Variants in PIGN observed in about 807,000 individuals in gnomAD.
PIGN encodes the protein GPI ethanolamine phosphate transferase 1.
In PIGN, 117 loss-of-function variants were observed where a neutral mutation model predicts 125.4. The observed-to-expected ratio is 0.93, with a 90% CI of 0.80 to 1.09. The LOEUF (loss-of-function observed/expected upper bound fraction) is 1.09, where lower values mean the gene tolerates loss of function less well. PIGN is among the 50% of genes least tolerant of loss of function. The pLI is 0.00. For missense variants in PIGN, 1,075 were observed against 1,094.9 expected (o/e 0.98, Z 0.26); for synonymous variants, 392 against 377.8 (o/e 1.04, Z -0.44).
intron 28 of PIGN, among the ~76,000 whole-genome samples, chr18:62,079,194 T>C (rs1260472868): frequency 7.9e-5 from 12 of 152,254 alleles, no homozygotes; most frequent in African/African-American, 2.7e-4. Flanking sequence ...AAGACCATAT[T>C]AAGGTTTTTG....
At position 62,032,310 on chromosome 18, in the gene PIGN, A is replaced by G. The variant is rs149084192; in HGVS notation, c.2143-14569T>C. 2.5e-3 allele frequency among the ~76,000 whole-genome samples: 379 copies of G among 152,358 alleles called. 2 individuals carry two copies. The highest frequency in any genetic ancestry group is 8.5e-3 in the African/African-American group (354 of 41,584). On this transcript the variant is annotated intron_variant, in intron 23 of 24. Coordinates refer to the PIGN transcript ENST00000639600. ...GCAAACTTCAATTGCTTAAAAATAG[A>G]CAACCAATATTTACTTCCATCCTTT...
chr18:62,185,773 T>G (rs17069528), intron 1 of PIGN, among the ~76,000 whole-genome samples: 23,985 of 126,176 alleles, frequency 0.19, 2,139 homozygotes, highest in Admixed American at 0.25. Flanking sequence ...TGGAAATTCC[T>G]TTACCTTTTC....
chr18:62,030,072 T>C (rs1206231598), intron 23 of PIGN, among the ~76,000 whole-genome samples: 2 of 152,204 alleles, frequency 1.3e-5, no homozygotes, highest in Non-Finnish European at 2.9e-5. Flanking sequence ...TCCGAGGCCC[T>C]GGAAGCATTT....
chr18:62,119,926 A>C (rs1056956553), intron 14 of PIGN, among the ~76,000 whole-genome samples: 4 of 152,126 alleles, frequency 2.6e-5, no homozygotes, highest in Admixed American at 6.5e-5. Context: ...AAAAGACAGA[A>C]AAATACTAAA....
At chr18:62,171,461 ATC>A (rs749975455) in intron 1 of PIGN, among the ~76,000 whole-genome samples, 6 of 152,280 alleles carry the variant, frequency 3.9e-5, no homozygotes, top group Admixed American at 6.5e-5. Context: ...TTTTATTTAC[ATC>A]TTATGCTTTT....
intron 30 of PIGN, among the ~76,000 whole-genome samples, chr18:62,068,868 G>A (rs1330669632): frequency 6.6e-6 from 1 of 152,174 alleles, no homozygotes; most frequent in Admixed American, 6.6e-5. Flanking sequence ...CACTTGCAGT[G>A]TTCAGACAGC....
At chr18:62,135,447 C>T (rs1599602134) in intron 14 of PIGN, among the ~76,000 whole-genome samples, 1 of 151,988 alleles carries the variant, frequency 6.6e-6, no homozygotes, top group Non-Finnish European at 1.5e-5. Flanking sequence ...CCCCAGAGGA[C>T]ACAGTGGCTT....
chr18:62,082,442 C>T (rs2033490459), intron 28 of PIGN, among the ~76,000 whole-genome samples: 1 of 151,980 alleles, frequency 6.6e-6, no homozygotes, highest in African/African-American at 2.4e-5. Context: ...GAATAATACT[C>T]TAATAACATT....
intron 1 of PIGN, among the ~76,000 whole-genome samples, chr18:62,176,760 G>C (rs2037537178): frequency 6.6e-6 from 1 of 152,084 alleles, no homozygotes; most frequent in African/African-American, 2.4e-5. Context: ...AGGGAAACCG[G>C]ATGAGAAAAT....
intron 16 of PIGN, among the ~76,000 whole-genome samples, chr18:62,112,115 T>A (rs2034901925): frequency 6.6e-6 from 1 of 152,182 alleles, no homozygotes; most frequent in Admixed American, 6.6e-5. Context: ...AAATTATGTC[T>A]ACTTCTAGCA....
intron 14 of PIGN, among the ~76,000 whole-genome samples, chr18:62,129,909 A>G (rs1197726490): frequency 6.6e-6 from 1 of 152,220 alleles, no homozygotes; most frequent in African/African-American, 2.4e-5. Flanking sequence ...CTTTGTAGAC[A>G]TCATCAAGCT....
chr18:62,180,495 C>T (rs1282407181), intron 1 of PIGN, among the ~76,000 whole-genome samples: 1 of 152,142 alleles, frequency 6.6e-6, no homozygotes, highest in East Asian at 1.9e-4. Context: ...ATCTCTAAAT[C>T]CCCCTAATTG....
At chr18:62,081,878 A>G (rs932587807) in intron 28 of PIGN, among the ~76,000 whole-genome samples, 1 of 152,156 alleles carries the variant, frequency 6.6e-6, no homozygotes, top group Admixed American at 6.5e-5. Flanking sequence ...AACTTTTTTC[A>G]TTATGGCATA....
At chr18:62,138,440 T>G (rs1317522205) in intron 13 of PIGN, 142 bp from the exon 14 acceptor site, 1 of 1,223,770 alleles carries the variant, frequency 8.2e-7, no homozygotes, top group Non-Finnish European at 1.1e-6. Flanking sequence ...TATTGTTTCA[T>G]AAATATTTAA....
chr18:62,057,979 G>A (rs1185600291), intron 30 of PIGN, among the ~76,000 whole-genome samples: 1 of 152,182 alleles, frequency 6.6e-6, no homozygotes. Context: ...GGAGGACTCT[G>A]CAGCCATAAA....
intron 17 of PIGN, among the ~76,000 whole-genome samples, chr18:62,108,719 T>C (rs937869373): frequency 6.6e-6 from 1 of 152,066 alleles, no homozygotes; most frequent in African/African-American, 2.4e-5. Flanking sequence ...GCCTCCTGAG[T>C]AGCTGGAATT....
chr18:62,029,791 A>G (rs888670089), intron 23 of PIGN, among the ~76,000 whole-genome samples: 1 of 152,226 alleles, frequency 6.6e-6, no homozygotes, highest in African/African-American at 2.4e-5. Flanking sequence ...AGTGACATGC[A>G]TCTGCAGCTC....
chr18:62,163,029 T>G lies in PIGN; in HGVS notation c.-110+502A>C, dbSNP rs114766658. 4.8e-3 allele frequency among the ~76,000 whole-genome samples: 731 copies of G among 152,274 alleles called. 9 individuals are homozygous for G. The highest frequency in any genetic ancestry group is 0.017 in the African/African-American group (699 of 41,566). Reference sequence around the variant, plus strand: ...AATTTAAGATTCCATTAGAAACATGTAAATAACTGTTTACCCAAATCTGAA... The same window carrying G: ...AATTTAAGATTCCATTAGAAACATGGAAATAACTGTTTACCCAAATCTGAA... On this transcript the variant is annotated intron_variant, in intron 2 of 30. Coordinates refer to ENST00000640252, the MANE Select transcript of PIGN (RefSeq NM_176787.5).
chr18:62,100,956 T>C, intron 22 of PIGN, 119 bp downstream of exon 22: 1 of 676,394 alleles, frequency 1.5e-6, no homozygotes, highest in South Asian at 1.7e-5. Flanking sequence ...AGCCAGTTAT[T>C]ATTATTTTCC....
Sources: allele counts gnomAD v4.1 joint callset (sites outside exome capture counted in the v4.1 genomes callset), GRCh38; gene constraint gnomAD v4.1.1; transcripts MANE v1.5; gene names NCBI Gene and HGNC (gene_info 2026-07-23, HGNC 2026-07-21).